The following TG variants were observed in gnomAD, a reference collection of about 807,000 sequenced individuals.
TG encodes the protein thyroid hormones.
TG carries 270 observed loss-of-function variants against 324.7 expected under a neutral mutation model. That is an observed-to-expected ratio of 0.83 (90% confidence interval 0.75 to 0.92). The LOEUF is 0.92. TG is among the 40% of genes least tolerant of loss of function. The pLI, the probability that TG is intolerant of heterozygous loss-of-function variation, is 0.00. For missense variants in TG, 3,591 were observed against 3,456.4 expected (o/e 1.04, Z -0.98); for synonymous variants, 1,401 against 1,327.0 (o/e 1.06, Z -1.21).
At chr8:132,941,165 C>G (rs1247794437) in intron 25 of TG, among the ~76,000 whole-genome samples, 186 bp from the exon 26 acceptor site, 1 of 152,188 alleles carries the variant, frequency 6.6e-6, no homozygotes, top group African/African-American at 2.4e-5. Flanking sequence ...CTTGGCTGGC[C>G]CCACCCTCTT....
intron 5 of TG, among the ~76,000 whole-genome samples, chr8:132,874,148 G>A (rs1194621612): frequency 6.6e-6 from 1 of 152,110 alleles, no homozygotes; most frequent in Non-Finnish European, 1.5e-5. Context: ...CTCTAGCCTA[G>A]GTGACAGAGT....
At chr8:133,097,599 A>T (rs1351633128) in intron 43 of TG, among the ~76,000 whole-genome samples, 1 of 152,262 alleles carries the variant, frequency 6.6e-6, no homozygotes, top group Non-Finnish European at 1.5e-5. Flanking sequence ...TCATATTTTT[A>T]AAAACCAACC....
chr8:132,882,090 G>T, intron 6 of TG, 121 bp downstream of exon 6: 2 of 739,268 alleles, frequency 2.7e-6, no homozygotes, highest in East Asian at 2.7e-5. Flanking sequence ...CCAGGCTGCT[G>T]TGGGCATTGA....
intron 41 of TG, among the ~76,000 whole-genome samples, chr8:133,070,434 G>T (rs1018337484): frequency 6.6e-6 from 1 of 152,218 alleles, no homozygotes; most frequent in South Asian, 2.1e-4. Flanking sequence ...AGGGCCTAAA[G>T]GAGATGTTTA....
chr8:133,132,076 C>A, intron 46 of TG, 130 bp downstream of exon 46: 1 of 1,388,984 alleles, frequency 7.2e-7, no homozygotes, highest in East Asian at 2.3e-5. Flanking sequence ...AATCACCAGC[C>A]ACTGGCCTCC....
At chr8:133,099,749 C>T (rs1848967134) in intron 43 of TG, among the ~76,000 whole-genome samples, 1 of 152,202 alleles carries the variant, frequency 6.6e-6, no homozygotes, top group Non-Finnish European at 1.5e-5. Context: ...ACACTGCTCT[C>T]TCATACCCTA....
chr8:132,882,565 A>G lies in TG; in HGVS notation c.842A>G (p.Gln281Arg). ...GAAACCACCCTGTACCGGATACTGC[A>G]GAGACGGTTCCTCGCAGTTCAATCA... ...FTETTLYRIL[Q>R]RRFLAVQSVI... The change falls in exon 7 of 48, where the codon CAG (glutamine) becomes CGG (arginine). Residue 281 changes from glutamine to arginine, a missense_variant. By Grantham distance (43) the Gln-to-Arg change is conservative. Coordinates refer to ENST00000220616, the MANE Select transcript of TG (RefSeq NM_003235.5). The G allele has an allele frequency of 1.2e-6, 2 of 1,614,250 alleles. No homozygotes were observed. The highest frequency in any genetic ancestry group is 1.7e-6 in the Non-Finnish European group (2 of 1,180,050).
At chr8:133,047,784 T>G (rs777001717) in intron 41 of TG, 1 of 1,074,442 alleles carries the variant, frequency 9.3e-7, no homozygotes, top group East Asian at 2.4e-5. Context: ...GAGCAAAACA[T>G]GCTTGTCTGC....
intron 45 of TG, among the ~76,000 whole-genome samples, chr8:133,121,036 C>G (rs1851101822): frequency 6.6e-6 from 1 of 152,176 alleles, no homozygotes; most frequent in African/African-American, 2.4e-5. Context: ...ACCCAGGGAA[C>G]CTCCCATGAA....
At chr8:133,051,128 A>C (rs973035147) in intron 41 of TG, among the ~76,000 whole-genome samples, 1 of 152,164 alleles carries the variant, frequency 6.6e-6, no homozygotes, top group Non-Finnish European at 1.5e-5. Context: ...ACATGCTCCT[A>C]TTCTTAAGCC....
intron 45 of TG, among the ~76,000 whole-genome samples, chr8:133,119,728 T>C (rs190043996): frequency 6.6e-6 from 1 of 152,090 alleles, no homozygotes; most frequent in East Asian, 1.9e-4. Context: ...CATAGCAGAG[T>C]CTGAGGTTCA....
At chr8:133,103,502 C>G (rs144852528) in intron 43 of TG, among the ~76,000 whole-genome samples, 1 of 151,920 alleles carries the variant, frequency 6.6e-6, no homozygotes, top group East Asian at 1.9e-4. Flanking sequence ...ACTGACTTGT[C>G]CCCCCCAAAA....
intron 36 of TG, among the ~76,000 whole-genome samples, chr8:133,013,165 T>C (rs757789434): frequency 1.3e-5 from 2 of 152,232 alleles, no homozygotes; most frequent in African/African-American, 2.4e-5. Flanking sequence ...GGAAAGTAGA[T>C]TGATCAGAGG....
rs774352451 is a variant in TG at position 132,967,854 on chromosome 8, A to G, written c.5747A>G (p.Tyr1916Cys). The change falls in exon 31 of 48, where the codon TAC becomes TGC. Residue 1916 changes from tyrosine (Y) to cysteine (C), a missense_variant. By Grantham distance (194) the Tyr-to-Cys change is radical. Coordinates refer to ENST00000220616, the MANE Select transcript of TG (RefSeq NM_003235.5). ...LAEITESASLYFTCTLYPEAQ... is the reference protein window; with the variant it reads ...LAEITESASLCFTCTLYPEAQ... The stretch of plus-strand genomic sequence containing the variant: ...GAGATAACAGAGAGTGCATCCTTGT[A>G]CTTCACCTGCACCCTCTACCCAGAG... The G allele has an allele frequency of 6.2e-7, 1 of 1,613,958 alleles. No homozygotes were observed. The highest frequency in any genetic ancestry group is 1.1e-5 in the South Asian group (1 of 91,082).
At chr8:132,992,862 C>T (rs763893663) in intron 35 of TG, among the ~76,000 whole-genome samples, 2 of 152,236 alleles carry the variant, frequency 1.3e-5, no homozygotes, top group African/African-American at 2.4e-5. Context: ...TGGGAACCAT[C>T]GCTATGAATT....
chr8:133,006,278 A>AAAACCC (rs1369104619), intron 35 of TG, among the ~76,000 whole-genome samples: 1 of 152,246 alleles, frequency 6.6e-6, no homozygotes, highest in Non-Finnish European at 1.5e-5. Flanking sequence ...AACCAAAACC[A>AAAACCC]AAAAGGATAT....
At chr8:133,036,078 G>A (rs1474750246) in intron 41 of TG, among the ~76,000 whole-genome samples, 3 of 152,138 alleles carry the variant, frequency 2.0e-5, no homozygotes, top group Non-Finnish European at 4.4e-5. Context: ...CTTCCTGCCT[G>A]CAGGAATTGC....
At chr8:133,063,400 G>C (rs1475020443) in intron 41 of TG, among the ~76,000 whole-genome samples, 1 of 151,574 alleles carries the variant, frequency 6.6e-6, no homozygotes, top group Non-Finnish European at 1.5e-5. Flanking sequence ...ACAAGATTTT[G>C]CTATCCATCA....
chr8:133,066,982 A>G (rs1843124800), intron 41 of TG, among the ~76,000 whole-genome samples: 1 of 152,164 alleles, frequency 6.6e-6, no homozygotes, highest in Non-Finnish European at 1.5e-5. Flanking sequence ...ACAGTTGGTC[A>G]TGGCTCTTTT....
Sources: allele counts gnomAD v4.1 joint callset (sites outside exome capture counted in the v4.1 genomes callset), GRCh38; gene constraint gnomAD v4.1.1; transcripts MANE v1.5; gene names NCBI Gene and HGNC (gene_info 2026-07-23, HGNC 2026-07-21).